VPS16: variants seen among roughly 807,000 people sequenced by gnomAD.
VPS16 encodes the protein vacuolar protein sorting-associated protein 16 homolog.
VPS16 carries 82 observed loss-of-function variants against 116.0 expected under a neutral mutation model. The ratio of observed to expected loss-of-function variants is 0.71; its 90% CI spans 0.59 to 0.85. The LOEUF is 0.85. Among genes scored for constraint, VPS16 ranks in the 40% least tolerant of loss-of-function variants. VPS16 has a pLI of 0.00. For synonymous variants in VPS16, 406 were observed against 420.7 expected (o/e 0.96, Z 0.43); for missense variants, 928 against 1,090.6 (o/e 0.85, Z 2.10).
At chr20:2,855,035 A>C (rs1360777140) in intron 1 of VPS16, among the ~76,000 whole-genome samples, 1 of 133,842 alleles carries the variant, frequency 7.5e-6, no homozygotes, top group Non-Finnish European at 1.5e-5. Context: ...ATCTCGGCTC[A>C]CCGCAACCTC....
intron 1 of VPS16, among the ~76,000 whole-genome samples, chr20:2,858,880 T>A (rs1009676105): frequency 6.6e-6 from 1 of 152,174 alleles, no homozygotes; most frequent in African/African-American, 2.4e-5. Flanking sequence ...CAGCACCATC[T>A]CACTGAAAAG....
At chr20:2,856,259 C>T (rs2146658907) in intron 1 of VPS16, among the ~76,000 whole-genome samples, 2 of 152,246 alleles carry the variant, frequency 1.3e-5, no homozygotes, top group Middle Eastern at 6.8e-3. Context: ...ACACATACAA[C>T]ATTTATCCGT....
chr20:2,845,052 C>A (rs2089045000), intron 1 of VPS16, among the ~76,000 whole-genome samples: 1 of 140,120 alleles, frequency 7.1e-6, no homozygotes, highest in Non-Finnish European at 1.5e-5. Flanking sequence ...GTTTTAAGTT[C>A]CTTTTGTAGG....
chr20:2,851,384 A>G (rs531757832), intron 1 of VPS16, among the ~76,000 whole-genome samples: 45 of 152,278 alleles, frequency 3.0e-4, no homozygotes, highest in South Asian at 4.1e-4. Context: ...CGAGGTGGGC[A>G]GATCACCTGA....
chr20:2,865,511 C>T lies in VPS16; in HGVS notation c.2271+16C>T. 1 of 1,609,286 alleles carries T rather than the reference C, an allele frequency of 6.2e-7. No homozygotes were observed. Among genetic ancestry groups the T allele is most frequent in the Non-Finnish European group, 8.5e-7 (1 of 1,177,060 alleles). ...TGGCTACCTGGTGAGGCAGGGTCCT[C>T]CCTCCAGCCCACTTCCAGTGAGGGT... On this transcript the variant is annotated intron_variant, in intron 22 of 23. Coordinates refer to ENST00000380445, the MANE Select transcript of VPS16 (RefSeq NM_022575.4). This position sits in a 1 kb window ranked among gnomAD's most constrained non-coding sequence, Gnocchi z 5.2.
At position 2,846,112 on chromosome 20, in the gene VPS16, C is replaced by CTT. The variant is rs34440512; in HGVS notation, c.53+5306_53+5307dup. ...TCTATTCAATATTTTCTGTACTCCG[C>CTT]TTTTTTTTTTTTTTTTTTTTTTGAG... On this transcript the variant is annotated intron_variant, in intron 1 of 23. Transcript: ENST00000380445. Among the ~76,000 whole-genome samples the CTT allele has an allele frequency of 4.1e-3, 367 of 89,660 alleles. 1 individual carries two copies. The highest frequency in any genetic ancestry group is 7.8e-3 in the Middle Eastern group (1 of 128). 58.8% of individuals were successfully genotyped at this position (89,660 alleles called of 152,430 possible).
At position 2,863,265 on chromosome 20, in the gene VPS16, A is replaced by G. The variant is rs1375606312; in HGVS notation, c.1368-25A>G. The G allele has an allele frequency of 2.5e-6, 4 of 1,613,754 alleles. No homozygotes were observed. The highest frequency in any genetic ancestry group is 1.7e-5 in the Admixed American group (1 of 59,978). ...CTTTCTCCTCCACCTCACTCCTTGT[A>G]TCCTTTACCCACCGGGTCTACCAGG... On this transcript the variant is annotated intron_variant, in intron 14 of 23. Transcript: ENST00000380445. The surrounding 1 kb of genome is among the most constrained non-coding windows in gnomAD (Gnocchi z 4.4).
chr20:2,860,814 C>T lies in VPS16; in HGVS notation c.581C>T (p.Ala194Val). ...CQDRVAHILL[A>V]VGPDLYLLDH... ...GACCGAGTGGCACACATTCTTCTGG[C>T]TGTGGGGCCTGACCTTTACCTCTTG... is the stretch of plus-strand genomic sequence containing the variant. The change falls in exon 6 of 24, where the codon GCT (alanine) becomes GTT (valine). Residue 194 changes from alanine to valine, a missense_variant. By Grantham distance (64) the Ala-to-Val change is moderately conservative. Transcript: ENST00000380445. The surrounding 1 kb of genome is among the most constrained non-coding windows in gnomAD (Gnocchi z 6.1). 6.2e-7 allele frequency: 1 copy of T among 1,614,102 alleles called. No individual in the cohort carries two copies. Among genetic ancestry groups the T allele is most frequent in the Non-Finnish European group, 8.5e-7 (1 of 1,180,032 alleles).
intron 1 of VPS16, among the ~76,000 whole-genome samples, chr20:2,849,449 C>T (rs1402251318): frequency 2.0e-5 from 3 of 151,916 alleles, no homozygotes; most frequent in South Asian, 2.1e-4. Flanking sequence ...TACAGGCATG[C>T]GCCACCACGC....
Position 2,864,308 on chromosome 20 carries a change from C to T in VPS16, c.1720+21C>T, listed in dbSNP as rs369795624. The stretch of plus-strand genomic sequence containing the variant: ...CCTGGGTGAGGGCAAGGCTGGGGGG[C>T]CCCTGGGCTAAGTGGGAGCCTGGCT... On this transcript the variant is annotated intron_variant, in intron 17 of 23. Transcript: ENST00000380445. The surrounding 1 kb of genome is among the most constrained non-coding windows in gnomAD (Gnocchi z 5.2). The T allele has an allele frequency of 9.7e-5, 157 of 1,613,810 alleles. No homozygotes were observed. Among genetic ancestry groups the T allele is most frequent in the Non-Finnish European group, 1.2e-4 (145 of 1,179,920 alleles).
intron 1 of VPS16, among the ~76,000 whole-genome samples, chr20:2,847,748 A>G (rs1044324799): frequency 6.6e-6 from 1 of 151,510 alleles, no homozygotes; most frequent in African/African-American, 2.4e-5. Context: ...AAGTGCTAGG[A>G]TTACAGGCGT....
rs757886036 is a variant in VPS16 at position 2,864,962 on chromosome 20, C to T, written c.1927-16C>T. On this transcript the variant is annotated splice_polypyrimidine_tract_variant and intron_variant, in intron 19 of 23. Transcript: ENST00000380445. This position sits in a 1 kb window ranked among gnomAD's most constrained non-coding sequence, Gnocchi z 5.2. ...CTGCATGCTGTGAGTTCAGGCCTTCCTTCTTGTCTTTATAGCGTATTGAGG... is the reference window on the plus strand; with the variant it reads ...CTGCATGCTGTGAGTTCAGGCCTTCTTTCTTGTCTTTATAGCGTATTGAGG... 3.1e-6 allele frequency: 5 copies of T among 1,614,124 alleles called. No individual in the cohort carries two copies. In the South Asian group the frequency reaches 4.4e-5, roughly 14 times the overall value.
chr20:2,845,326 G>A (rs6132977), intron 1 of VPS16, among the ~76,000 whole-genome samples: 10,379 of 152,050 alleles, frequency 0.068, 677 homozygotes, highest in African/African-American at 0.15. Flanking sequence ...GAAAGGAAGC[G>A]TGAGTTTGGC....
chr20:2,842,687 TAC>T (rs1226497516), intron 1 of VPS16, among the ~76,000 whole-genome samples: 1 of 139,616 alleles, frequency 7.2e-6, no homozygotes, highest in Non-Finnish European at 1.5e-5. Flanking sequence ...TATATATAGA[TAC>T]ATCTAGATGT....
Position 2,863,826 on chromosome 20 carries a change from A to G in VPS16, c.1477-123A>G. 7.3e-7 allele frequency: 1 copy of G among 1,361,076 alleles called. No homozygotes were observed. The highest frequency in any genetic ancestry group is 2.2e-5 in the Admixed American group (1 of 45,122). The allele number at this position is 1,361,076 out of a possible 1,614,324, so 84.3% of individuals were successfully genotyped here. The stretch of plus-strand genomic sequence containing the variant: ...AAAGAGAGAGAAAGAAGAAAGAGAG[A>G]AAGAAAGAAAGAAGAAGGAAGGGAG... On this transcript the variant is annotated intron_variant, in intron 15 of 23. Transcript: ENST00000380445. The surrounding 1 kb of genome is among the most constrained non-coding windows in gnomAD (Gnocchi z 4.4).
In VPS16 at chr20:2,866,450, A is replaced by C. The variant is rs923252996; in HGVS notation, c.2396A>C (p.Asp799Ala). ...LLVGDVAQAADVAIEHRNEAE... is the reference protein window; with the variant it reads ...LLVGDVAQAAAVAIEHRNEAE... ...CACAGCGATGTGGCTCAGGCTGCAG[A>C]TGTGGCCATCGAACACCGGAATGAG... Residue 799 changes from aspartate (D) to alanine (A), a missense_variant, in exon 24 of 24, where the codon GAT (aspartate) becomes GCT (alanine). Transcript: ENST00000380445. The C allele has an allele frequency of 1.2e-6, 2 of 1,614,160 alleles. No individual in the cohort carries two copies. The highest frequency in any genetic ancestry group is 1.7e-6 in the Non-Finnish European group (2 of 1,180,026).
At position 2,862,712 on chromosome 20, in the gene VPS16, T is replaced by A; in HGVS notation, c.1203+2T>A. ...GACATGCAGAAGAGTCTGCTCAGGG[T>A]TGGCCTGGATGGCCGGGCCGGGGAG... On this transcript the variant is annotated splice_donor_variant, in intron 12 of 23. Coordinates refer to ENST00000380445, the MANE Select transcript of VPS16 (RefSeq NM_022575.4). LOFTEE classifies it high-confidence loss of function. 1 of 1,375,472 alleles carries A rather than the reference T, an allele frequency of 7.3e-7. No individual in the cohort carries two copies. The highest frequency in any genetic ancestry group is 9.7e-7 in the Non-Finnish European group (1 of 1,032,920). The allele number at this position is 1,375,472 out of a possible 1,614,324, so 85.2% of individuals were successfully genotyped here.
At position 2,863,837 on chromosome 20, in the gene VPS16, G is replaced by GAAAGA. The variant is rs1028039466; in HGVS notation, c.1477-110_1477-109insAGAAA. 6 of 1,412,772 alleles carry GAAAGA rather than the reference G, an allele frequency of 4.2e-6. No individual in the cohort carries two copies. Among genetic ancestry groups the GAAAGA allele is most frequent in the South Asian group, 1.4e-5 (1 of 73,238 alleles). The allele number at this position is 1,412,772 out of a possible 1,614,324, so 87.5% of individuals were successfully genotyped here. A position where few individuals can be genotyped will look rare whatever the true frequency, so the allele number is the denominator to read the frequency against. ...AAGAAGAAAGAGAGAAAGAAAGAAA[G>GAAAGA]AAGAAGGAAGGGAGGGAGGAAGGGA... On this transcript the variant is annotated intron_variant, in intron 15 of 23. Transcript: ENST00000380445. This position sits in a 1 kb window ranked among gnomAD's most constrained non-coding sequence, Gnocchi z 4.4.
intron 1 of VPS16, 42 bp downstream of exon 1, chr20:2,840,869 G>A: frequency 7.0e-7 from 1 of 1,436,678 alleles, no homozygotes. Flanking sequence ...GGCTTACCCT[G>A]CTCGCCCGCC....
Sources: gnomAD v4.1 joint callset for allele counts (sites outside exome capture counted in the v4.1 genomes callset) on GRCh38, gnomAD v4.1.1 for gene constraint, Gnocchi (gnomAD v3.1) non-coding constraint, MANE v1.5 for transcripts, NCBI Gene and HGNC (gene_info 2026-07-23, HGNC 2026-07-21) for gene names.